The following DNM3 variants were observed in gnomAD, a reference collection of about 807,000 sequenced individuals.
The protein encoded by DNM3 is dynamin 3.
A neutral mutation model predicts 101.6 loss-of-function variants in DNM3; 47 were observed. The ratio of observed to expected loss-of-function variants is 0.46; its 90% CI spans 0.37 to 0.59. The LOEUF (loss-of-function observed/expected upper bound fraction) is 0.59. DNM3 is among the 20% of genes least tolerant of loss of function. DNM3 has a pLI of 0.00. For missense variants in DNM3, 849 were observed against 1,085.7 expected, an observed-to-expected ratio of 0.78 and a Z score of 3.06; for synonymous variants, 385 against 387.9, an observed-to-expected ratio of 0.99 and a Z score of 0.09.
At chr1:172,111,108 A>G (rs2055441348) in intron 13 of DNM3, among the ~76,000 whole-genome samples, 1 of 152,236 alleles carries the variant, frequency 6.6e-6, no homozygotes. Context: ...CTAATCTAAT[A>G]AAGAAACTGA....
chr1:172,378,000 A>G (rs2068701250), intron 17 of DNM3: 2 of 152,078 alleles, frequency 1.3e-5, no homozygotes, highest in South Asian at 4.1e-4. Flanking sequence ...ATGATTGAAA[A>G]TCAAAGTATG....
chr1:171,944,864 T>TC, intron 2 of DNM3, among the ~76,000 whole-genome samples: 1 of 116,612 alleles, frequency 8.6e-6, no homozygotes, highest in Non-Finnish European at 1.8e-5. Flanking sequence ...CCTTTTTTTT[T>TC]TTTTTTTTTT....
chr1:172,123,421 T>G (rs899444799), intron 13 of DNM3, among the ~76,000 whole-genome samples: 5 of 152,220 alleles, frequency 3.3e-5, no homozygotes, highest in Non-Finnish European at 7.3e-5. Context: ...CCCTCACTTG[T>G]GTTTCTGGGG....
Position 171,940,992 on chromosome 1 carries a change from ATTG to A in DNM3, c.235+19177_235+19179del, listed in dbSNP as rs1176730591. 3.3e-5 allele frequency among the ~76,000 whole-genome samples: 5 copies of A among 152,222 alleles called. No individual in the cohort carries two copies. In the East Asian group the frequency reaches 5.8e-4, roughly 18 times the overall value. ...GTCTCAATTGTTTATTATTGTCTAA[ATTG>A]TTGTTTGCTTTAAAATAAAATTTTA... On this transcript the variant is annotated intron_variant, in intron 2 of 20. Transcript: ENST00000627582.
chr1:171,961,910 T>G (rs868361178), intron 2 of DNM3, among the ~76,000 whole-genome samples: 18 of 152,130 alleles, frequency 1.2e-4, no homozygotes, highest in African/African-American at 4.1e-4. Flanking sequence ...AATGGATAAT[T>G]TATAAAGAAA....
intron 2 of DNM3, among the ~76,000 whole-genome samples, chr1:171,923,915 G>T (rs937769652): frequency 5.9e-5 from 9 of 152,098 alleles, no homozygotes; most frequent in African/African-American, 1.7e-4. Context: ...GTTCACACTT[G>T]TAAGTGTGAA....
At chr1:172,285,331 T>G (rs1484524018) in intron 15 of DNM3, among the ~76,000 whole-genome samples, 1 of 152,140 alleles carries the variant, frequency 6.6e-6, no homozygotes, top group Non-Finnish European at 1.5e-5. Flanking sequence ...GCAAGACTAC[T>G]TATGTGGCCC....
At chr1:172,049,454 A>G (rs2050051122) in intron 10 of DNM3, among the ~76,000 whole-genome samples, 2 of 152,312 alleles carry the variant, frequency 1.3e-5, no homozygotes, top group African/African-American at 2.4e-5. Flanking sequence ...TTTTAGCAGC[A>G]GTCAGTATTC....
intron 1 of DNM3, among the ~76,000 whole-genome samples, chr1:171,850,211 G>C (rs2032764754): frequency 6.6e-6 from 1 of 152,212 alleles, no homozygotes; most frequent in Non-Finnish European, 1.5e-5. Flanking sequence ...CATTTTTGTA[G>C]TAGATGTTGA....
chr1:171,937,998 C>T (rs1263434253), intron 2 of DNM3, among the ~76,000 whole-genome samples: 1 of 151,652 alleles, frequency 6.6e-6, no homozygotes, highest in Non-Finnish European at 1.5e-5. Flanking sequence ...TGTTTTCTTT[C>T]TCTAGACACC....
chr1:172,233,761 A>G (rs2061428241), intron 14 of DNM3, among the ~76,000 whole-genome samples: 1 of 152,184 alleles, frequency 6.6e-6, no homozygotes, highest in Non-Finnish European at 1.5e-5. Context: ...AATGTAATCC[A>G]GCATATAAAC....
chr1:171,985,562 A>C (rs1485078351), intron 2 of DNM3, among the ~76,000 whole-genome samples: 2 of 152,196 alleles, frequency 1.3e-5, no homozygotes, highest in Admixed American at 6.5e-5. Context: ...CCAGCATTAG[A>C]GGAATGAGCT....
chr1:172,309,427 C>G (rs2064987226), intron 16 of DNM3: 1 of 152,080 alleles, frequency 6.6e-6, no homozygotes, highest in African/African-American at 2.4e-5. Context: ...ATAAACAGAC[C>G]TTTTCTTTGT....
chr1:172,108,049 T>C (rs2055192056), intron 13 of DNM3, among the ~76,000 whole-genome samples: 1 of 152,118 alleles, frequency 6.6e-6, no homozygotes, highest in African/African-American at 2.4e-5. Context: ...AGGACTCTGC[T>C]GTATCTTAAG....
At chr1:171,892,315 G>A (rs140274419) in intron 1 of DNM3, among the ~76,000 whole-genome samples, 4 of 152,230 alleles carry the variant, frequency 2.6e-5, no homozygotes, top group African/African-American at 9.6e-5. Flanking sequence ...GTTTGGAAAT[G>A]GTGTTAGAAA....
At chr1:172,046,236 T>C (rs1467510828) in intron 9 of DNM3, among the ~76,000 whole-genome samples, 9 of 152,138 alleles carry the variant, frequency 5.9e-5, no homozygotes, top group Non-Finnish European at 1.0e-4. Context: ...TAAAAAATGA[T>C]GAGTTCATGT....
At chr1:171,900,374 A>G (rs2038202569) in intron 1 of DNM3, among the ~76,000 whole-genome samples, 1 of 152,132 alleles carries the variant, frequency 6.6e-6, no homozygotes, top group Admixed American at 6.6e-5. Flanking sequence ...GAACATGCAG[A>G]GTGAAAAGAT....
intron 15 of DNM3, among the ~76,000 whole-genome samples, chr1:172,279,806 C>A (rs1388253613): frequency 6.6e-6 from 1 of 152,162 alleles, no homozygotes; most frequent in Non-Finnish European, 1.5e-5. Flanking sequence ...TCGGCCTAGT[C>A]ATCTCTTTGA....
At chr1:171,901,817 A>T (rs117648671) in intron 1 of DNM3, among the ~76,000 whole-genome samples, 2 of 152,336 alleles carry the variant, frequency 1.3e-5, no homozygotes, top group East Asian at 3.9e-4. Context: ...ATTAAAATAA[A>T]ATTTTGGCAA....
Sources: gnomAD v4.1 joint callset for allele counts (sites outside exome capture counted in the v4.1 genomes callset) on GRCh38, gnomAD v4.1.1 for gene constraint, MANE v1.5 for transcripts, NCBI Gene and HGNC (gene_info 2026-07-23, HGNC 2026-07-21) for gene names.